Variants in PDZD2 observed in about 807,000 individuals in gnomAD.
PDZD2 encodes PDZ domain containing 2.
In PDZD2, 90 loss-of-function variants were observed where a neutral mutation model predicts 220.7. The ratio of observed to expected loss-of-function variants is 0.41; its 90% confidence interval spans 0.34 to 0.49. The LOEUF is 0.49. Among genes scored for constraint, PDZD2 ranks in the 20% least tolerant of loss-of-function variants. PDZD2 has a pLI of 0.28. For missense variants in PDZD2, 3,174 were observed against 3,608.5 expected, an observed-to-expected ratio of 0.88 and a Z score of 3.08; for synonymous variants, 1,375 against 1,450.5, an observed-to-expected ratio of 0.95 and a Z score of 1.18.
chr5:32,101,397 T>A (rs1744245912), intron 24 of PDZD2, among the ~76,000 whole-genome samples, 158 bp downstream of exon 24: 1 of 152,256 alleles, frequency 6.6e-6, no homozygotes. Context: ...ATGTATTAAC[T>A]CATGCCATCC....
Position 32,058,112 on chromosome 5 carries a change from A to G in PDZD2, c.2200+9A>G. On this transcript the variant is annotated intron_variant, in intron 12 of 24. Coordinates refer to ENST00000438447, the MANE Select transcript of PDZD2 (RefSeq NM_178140.4). ...AGTAACACTCAACAAAGGTGATAGC[A>G]GCTATTCCTTACCTTTGTCTCATTT... is the stretch of plus-strand genomic sequence containing the variant. The G allele has an allele frequency of 7.6e-7, 1 of 1,322,460 alleles. No individual in the cohort carries two copies. The highest frequency in any genetic ancestry group is 1.1e-6 in the Non-Finnish European group (1 of 913,764). The allele number at this position is 1,322,460 out of a possible 1,614,324, so 81.9% of individuals were successfully genotyped here.
intron 1 of PDZD2, among the ~76,000 whole-genome samples, chr5:31,676,013 C>T (rs1252681459): frequency 6.6e-6 from 1 of 152,144 alleles, no homozygotes; most frequent in Non-Finnish European, 1.5e-5. Flanking sequence ...CCTTGAAGAA[C>T]TTTGAATTCC....
At chr5:31,866,767 A>G (rs1433976873) in intron 2 of PDZD2, among the ~76,000 whole-genome samples, 1 of 152,140 alleles carries the variant, frequency 6.6e-6, no homozygotes, top group Non-Finnish European at 1.5e-5. Flanking sequence ...GTGAATTTTC[A>G]TAACTTTGAT....
intron 2 of PDZD2, among the ~76,000 whole-genome samples, chr5:31,835,315 G>A (rs780001944): frequency 6.6e-6 from 1 of 152,070 alleles, no homozygotes; most frequent in Non-Finnish European, 1.5e-5. Flanking sequence ...TCTATTTAAT[G>A]TTTTCAAAAG....
intron 1 of PDZD2, among the ~76,000 whole-genome samples, chr5:31,748,351 C>G (rs1750726410): frequency 6.6e-6 from 1 of 152,238 alleles, no homozygotes; most frequent in Non-Finnish European, 1.5e-5. Context: ...ATTTGTATGA[C>G]TATGGACATG....
At chr5:31,972,306 G>T (rs149827588) in intron 2 of PDZD2, among the ~76,000 whole-genome samples, 1 of 152,078 alleles carries the variant, frequency 6.6e-6, no homozygotes, top group East Asian at 1.9e-4. Flanking sequence ...TAGACATGGG[G>T]TCTCACCATG....
At chr5:31,658,681 G>A (rs913970888) in intron 1 of PDZD2, among the ~76,000 whole-genome samples, 20 of 151,564 alleles carry the variant, frequency 1.3e-4, no homozygotes, top group Admixed American at 4.6e-4. Context: ...GTGCAGTGGC[G>A]CAGTCTCGTC....
rs397884384 is a variant in PDZD2 at position 31,878,555 on chromosome 5, C to CTTTTTTTTTTTTTTT, written c.476+78841_476+78855dup. Among the ~76,000 whole-genome samples the CTTTTTTTTTTTTTTT allele has an allele frequency of 9.7e-3, 468 of 48,194 alleles. 127 individuals carry two copies. The highest frequency in any genetic ancestry group is 0.018 in the East Asian group (15 of 828). The allele number at this position is 48,194 out of a possible 152,430, so 31.6% of individuals were successfully genotyped here. ...TTCTTTGGTGGTCAGATGACCTCGG[C>CTTTTTTTTTTTTTTT]TTTTTTTTTTTTTTTTTTTTTTTTG... On this transcript the variant is annotated intron_variant, in intron 2 of 24. Transcript: ENST00000438447.
intron 5 of PDZD2, among the ~76,000 whole-genome samples, chr5:32,002,590 C>CCACA (rs139562674): frequency 0.4 from 57,148 of 143,118 alleles, 14,127 homozygotes; most frequent in South Asian, 0.57. Flanking sequence ...CTCACACATA[C>CCACA]CACACACACA....
chr5:31,664,381 C>T (rs1561370854), intron 1 of PDZD2, among the ~76,000 whole-genome samples: 1 of 152,016 alleles, frequency 6.6e-6, no homozygotes. Context: ...GGGCTCAAAT[C>T]CCAGGAAGCA....
At chr5:31,676,667 C>A (rs1385317628) in intron 1 of PDZD2, among the ~76,000 whole-genome samples, 2 of 151,274 alleles carry the variant, frequency 1.3e-5, no homozygotes. Flanking sequence ...GATTCTCCCT[C>A]CCTCAGCCTC....
At position 32,057,674 on chromosome 5, in the gene PDZD2, A is replaced by G; in HGVS notation, c.1920A>G (p.Val640=). ...RLKEGDEILD[V]NGIPIKGLTF... ...CACTAGGGGATGAAATCCTAGATGT[A>G]AATGGAATACCAATAAAGGGCTTGA... is the stretch of plus-strand genomic sequence containing the variant. The change falls in exon 11 of 25, where the codon GTA becomes GTG. Residue 640 remains valine, a synonymous_variant. Coordinates refer to ENST00000438447, the MANE Select transcript of PDZD2 (RefSeq NM_178140.4). 6.3e-7 allele frequency: 1 copy of G among 1,587,312 alleles called. No homozygotes were observed. The highest frequency in any genetic ancestry group is 8.6e-7 in the Non-Finnish European group (1 of 1,157,970).
At position 32,089,704 on chromosome 5, in the gene PDZD2, A is replaced by C. The variant is rs761984697; in HGVS notation, c.6256A>C (p.Arg2086=). The C allele has an allele frequency of 6.2e-7, 1 of 1,614,228 alleles. No homozygotes were observed. The highest frequency in any genetic ancestry group is 1.1e-5 in the South Asian group (1 of 91,090). ...GNIMASDRLE[R]TNQLKIVEIS... Reference sequence around the variant, plus strand: ...CATAATGGCCAGCGATCGCCTCGAAAGAACAAACCAGCTGAAAATCGTGGA... The same window carrying C: ...CATAATGGCCAGCGATCGCCTCGAACGAACAAACCAGCTGAAAATCGTGGA... Residue 2086 remains arginine, a synonymous_variant, in exon 20 of 25, where the codon AGA becomes CGA. Transcript: ENST00000438447.
chr5:31,647,383 T>A (rs1745175247), intron 1 of PDZD2, among the ~76,000 whole-genome samples: 1 of 152,202 alleles, frequency 6.6e-6, no homozygotes, highest in Non-Finnish European at 1.5e-5. Context: ...CACAAACTTG[T>A]TGTCTTAAAA....
intron 1 of PDZD2, among the ~76,000 whole-genome samples, chr5:31,679,098 GC>G (rs746717186): frequency 4.6e-5 from 7 of 152,184 alleles, no homozygotes; most frequent in South Asian, 2.1e-4. Flanking sequence ...TGACTACAGA[GC>G]CCCCCTCCAC....
intron 19 of PDZD2, among the ~76,000 whole-genome samples, chr5:32,086,113 C>T (rs544778828): frequency 4.6e-5 from 7 of 152,268 alleles, no homozygotes; most frequent in Admixed American, 4.6e-4. Context: ...AGCCAGAGCT[C>T]GGTGTAGACC....
At chr5:32,028,186 G>T (rs1342395347) in intron 6 of PDZD2, among the ~76,000 whole-genome samples, 3 of 152,198 alleles carry the variant, frequency 2.0e-5, no homozygotes, top group African/African-American at 7.2e-5. Context: ...TGGTTTGTTC[G>T]TAAGGCTGCA....
intron 3 of PDZD2, among the ~76,000 whole-genome samples, chr5:31,992,886 A>C (rs1751334235): frequency 6.8e-6 from 1 of 146,440 alleles, no homozygotes; most frequent in Non-Finnish European, 1.5e-5. Context: ...AAAAGCCACC[A>C]TCCTACTCTC....
intron 2 of PDZD2, among the ~76,000 whole-genome samples, chr5:31,820,308 T>G (rs934902678): frequency 3.9e-5 from 6 of 152,196 alleles, no homozygotes; most frequent in African/African-American, 1.4e-4. Flanking sequence ...CTAGGCATGC[T>G]GAGGTCACAT....
Sources: gnomAD v4.1 joint callset for allele counts (sites outside exome capture counted in the v4.1 genomes callset) on GRCh38, gnomAD v4.1.1 for gene constraint, MANE v1.5 for transcripts, NCBI Gene and HGNC (gene_info 2026-07-23, HGNC 2026-07-21) for gene names.